Variants in PRRT1B observed in about 807,000 individuals in gnomAD.
The protein encoded by PRRT1B is proline rich transmembrane protein 1B.
At chr9:131,554,629 C>T (rs2132011048) in exon 2 of PRRT1B, 3 of 394,962 alleles carry the variant, frequency 7.6e-6, no homozygotes, top group Non-Finnish European at 1.3e-5. Flanking sequence ...CCCGCCGCCC[C>T]CGAGGATCCC....
chr9:131,557,566 G>A (rs1398234434), intron 3 of PRRT1B, among the ~76,000 whole-genome samples: 1 of 152,162 alleles, frequency 6.6e-6, no homozygotes, highest in African/African-American at 2.4e-5. Flanking sequence ...AGCAGGCAAG[G>A]CTCTGGGGGG....
rs150265844 is a variant in PRRT1B at position 131,551,429 on chromosome 9, C to T, written c.26-3128C>T. On this transcript the variant is annotated intron_variant, in intron 1 of 3. Coordinates refer to ENST00000636672, the Ensembl canonical transcript of PRRT1B. The surrounding 1 kb of genome is among the most constrained non-coding windows in gnomAD (Gnocchi z 4.4). ...CGCTTGAAGCAGCCCTGAGAAACAT[C>T]GCCCATTATCTCTCCATACCACCCC... Among the ~76,000 whole-genome samples the T allele has an allele frequency of 0.11, 16,924 of 152,076 alleles. 1,088 individuals are homozygous for T. Among genetic ancestry groups the T allele is most frequent in the Middle Eastern group, 0.24 (72 of 294 alleles).
At chr9:131,548,173 C>T (rs1950987865) in intron 1 of PRRT1B, among the ~76,000 whole-genome samples, 1 of 152,036 alleles carries the variant, frequency 6.6e-6, no homozygotes, top group Non-Finnish European at 1.5e-5. Context: ...TGTGTCTCTA[C>T]CCTCTCTTCT....
chr9:131,545,570 G>C (rs1026073974), exon 1 of PRRT1B: 1 of 397,420 alleles, frequency 2.5e-6, no homozygotes, highest in Non-Finnish European at 4.4e-6. Context: ...GGCAGGCGCC[G>C]GGCCAGGGAG....
At position 131,551,777 on chromosome 9, in the gene PRRT1B, T is replaced by C. The variant is rs1951013990; in HGVS notation, c.26-2780T>C. 1.3e-5 allele frequency among the ~76,000 whole-genome samples: 2 copies of C among 150,500 alleles called. No homozygotes were observed. Among genetic ancestry groups the C allele is most frequent in the South Asian group, 2.1e-4 (1 of 4,732 alleles). ...CCACCAGAGAACAACCCCCTTTGAC[T>C]GTAATTTTCCTTTACCTACGCAAAT... On this transcript the variant is annotated intron_variant, in intron 1 of 3. Transcript: ENST00000636672. The surrounding 1 kb of genome is among the most constrained non-coding windows in gnomAD (Gnocchi z 4.4).
At chr9:131,555,106 T>G (rs1951040229) in intron 2 of PRRT1B, 77 bp downstream of exon 2, 2 of 101,488 alleles carry the variant, frequency 2.0e-5, no homozygotes, top group Non-Finnish European at 3.2e-5. Context: ...CGGAGGCCGA[T>G]AGGTCACTTC....
At chr9:131,558,287 C>T (rs927479728) in exon 4 of PRRT1B, 1 of 400,332 alleles carries the variant, frequency 2.5e-6, no homozygotes, top group Non-Finnish European at 4.4e-6. Context: ...ACTCAGATCC[C>T]TGCCGGTGGC....
At chr9:131,545,822 G>A (rs548076456) in intron 1 of PRRT1B, among the ~76,000 whole-genome samples, 182 bp downstream of exon 1, 9 of 151,836 alleles carry the variant, frequency 5.9e-5, no homozygotes, top group Non-Finnish European at 1.0e-4. Flanking sequence ...TCGGCTGCTG[G>A]AGGGGCAGGT....
intron 1 of PRRT1B, among the ~76,000 whole-genome samples, chr9:131,549,157 A>G (rs1018587945): frequency 9.2e-5 from 14 of 152,180 alleles, no homozygotes; most frequent in African/African-American, 3.4e-4. Flanking sequence ...CAAACCCCAC[A>G]ACAGGACTTA....
intron 1 of PRRT1B, among the ~76,000 whole-genome samples, chr9:131,553,070 G>A (rs577718826): frequency 3.9e-5 from 6 of 151,994 alleles, no homozygotes; most frequent in African/African-American, 1.4e-4. Context: ...TTTGTATTTT[G>A]TCTAGACTTT....
At chr9:131,554,188 C>T (rs1951030406) in intron 1 of PRRT1B, among the ~76,000 whole-genome samples, 1 of 152,234 alleles carries the variant, frequency 6.6e-6, no homozygotes, top group Non-Finnish European at 1.5e-5. Flanking sequence ...AGGTGTATCT[C>T]AGGACAGCCA....
At position 131,545,647 on chromosome 9, in the gene PRRT1B, G is replaced by C. The variant is rs564375079; in HGVS notation, c.25+7G>C. ...GCAGGAGCTGGAGGGGCAGGTGCCG[G>C]AGGGGCAGGTGCTGGTGGGACAGGT... On this transcript the variant is annotated splice_region_variant and intron_variant, in intron 1 of 3. Coordinates refer to ENST00000636672, the Ensembl canonical transcript of PRRT1B. 2.5e-6 allele frequency: 1 copy of C among 400,762 alleles called. No individual in the cohort carries two copies. Among genetic ancestry groups the C allele is most frequent in the African/African-American group, 2.1e-5 (1 of 48,678 alleles). 24.8% of individuals were successfully genotyped at this position (400,762 alleles called of 1,614,324 possible). A position where few individuals can be genotyped will look rare whatever the true frequency, so the allele number is the denominator to read the frequency against.
At position 131,551,814 on chromosome 9, in the gene PRRT1B, G is replaced by C. The variant is rs1029864904; in HGVS notation, c.26-2743G>C. On this transcript the variant is annotated intron_variant, in intron 1 of 3. Transcript: ENST00000636672. The surrounding 1 kb of genome is among the most constrained non-coding windows in gnomAD (Gnocchi z 4.4). Reference sequence around the variant, plus strand: ...TTACCTACGCAAATCCTATAAGACGGCCCACCCCATCTCCCTTCGCTGACT... The same window carrying C: ...TTACCTACGCAAATCCTATAAGACGCCCCACCCCATCTCCCTTCGCTGACT... Among the ~76,000 whole-genome samples, 70 of 151,330 alleles carry C rather than the reference G, an allele frequency of 4.6e-4. No homozygotes were observed. Among genetic ancestry groups the C allele is most frequent in the African/African-American group, 1.7e-3 (68 of 41,072 alleles).
At position 131,556,069 on chromosome 9, in the gene PRRT1B, G is replaced by A. The variant is rs142496501; in HGVS notation, c.499-1G>A. ...TCACCACTGTGGCTCTGCCCCCACA[G>A]TACAATGGCCCGATGGCTGGCGTGC... On this transcript the variant is annotated splice_acceptor_variant, in intron 2 of 3. Coordinates refer to ENST00000636672, the Ensembl canonical transcript of PRRT1B. LOFTEE classifies it high-confidence loss of function. 29 of 401,000 alleles carry A rather than the reference G, an allele frequency of 7.2e-5. No individual in the cohort carries two copies. In the East Asian group the frequency reaches 1.0e-3, roughly 14 times the overall value. 24.8% of individuals were successfully genotyped at this position (401,000 alleles called of 1,614,324 possible).
At chr9:131,555,711 TAAAC>T (rs1392292517) in intron 2 of PRRT1B, among the ~76,000 whole-genome samples, 5 of 151,658 alleles carry the variant, frequency 3.3e-5, no homozygotes, top group Non-Finnish European at 2.9e-5. Flanking sequence ...AAAATAAAAA[TAAAC>T]AAAAGCCCTG....
chr9:131,551,810 G>A lies in PRRT1B; in HGVS notation c.26-2747G>A, dbSNP rs976508973. On this transcript the variant is annotated intron_variant, in intron 1 of 3. Transcript: ENST00000636672. This position sits in a 1 kb window ranked among gnomAD's most constrained non-coding sequence, Gnocchi z 4.4. ...TCCTTTACCTACGCAAATCCTATAA[G>A]ACGGCCCACCCCATCTCCCTTCGCT... 2.6e-5 allele frequency among the ~76,000 whole-genome samples: 3 copies of A among 115,550 alleles called. No homozygotes were observed. Among genetic ancestry groups the A allele is most frequent in the African/African-American group, 3.3e-5 (1 of 29,906 alleles). The allele number at this position is 115,550 out of a possible 152,430, so 75.8% of individuals were successfully genotyped here.
intron 3 of PRRT1B, 92 bp downstream of exon 3, chr9:131,556,305 G>A (rs903682867): frequency 6.0e-5 from 24 of 398,726 alleles, no homozygotes; most frequent in African/African-American, 3.1e-4. Context: ...CCAGCAACAC[G>A]GTCTCTGGTG....
At chr9:131,553,588 C>A (rs1951026244) in intron 1 of PRRT1B, among the ~76,000 whole-genome samples, 1 of 152,184 alleles carries the variant, frequency 6.6e-6, no homozygotes, top group Non-Finnish European at 1.5e-5. Flanking sequence ...TGCCTCCACC[C>A]GTGGGGGACT....
At chr9:131,559,061 C>T (rs894528563), downstream of PRRT1B, among the ~76,000 whole-genome samples, 5 of 152,216 alleles carry the variant, frequency 3.3e-5, no homozygotes, top group Admixed American at 6.5e-5. Context: ...CCTGTAGAAC[C>T]GTACCTATGA....
Sources: gnomAD v4.1 joint callset for allele counts (sites outside exome capture counted in the v4.1 genomes callset) on GRCh38, gnomAD v4.1.1 for gene constraint, Gnocchi (gnomAD v3.1) non-coding constraint, MANE v1.5 for transcripts, NCBI Gene and HGNC (gene_info 2026-07-23, HGNC 2026-07-21) for gene names.